The following PHGDH variants were observed in gnomAD, a reference collection of about 807,000 sequenced individuals.
The protein encoded by PHGDH is D-3-phosphoglycerate dehydrogenase.
Under a neutral mutation model 52.6 loss-of-function variants are expected in PHGDH, and 50 were observed. The ratio of observed to expected loss-of-function variants is 0.95; its 90% CI spans 0.76 to 1.20. The LOEUF (loss-of-function observed/expected upper bound fraction) is 1.20, where lower values mean the gene tolerates loss of function less well. PHGDH is among the 50% of genes most tolerant of loss of function. PHGDH has a pLI of 0.00. For synonymous variants in PHGDH, 271 were observed against 280.5 expected (o/e 0.97, Z 0.34); for missense variants, 630 against 684.6 (o/e 0.92, Z 0.89).
Position 119,712,080 on chromosome 1 carries a change from C to T in PHGDH, c.58C>T (p.Arg20Trp). 6.2e-7 allele frequency: 1 copy of T among 1,614,090 alleles called. No homozygotes were observed. Among genetic ancestry groups the T allele is most frequent in the Non-Finnish European group, 8.5e-7 (1 of 1,179,976 alleles). The change falls in exon 1 of 12, where the codon CGG becomes TGG. Residue 20 changes from arginine to tryptophan, a missense_variant. Physicochemically the swap from Arg to Trp is moderately radical, Grantham distance 101. Transcript: ENST00000641023. ...CAGTGACAGCCTGGACCCTTGCTGC[C>T]GGAAGATCTTGCAAGATGGAGGGCT... Reference protein sequence around the residue: ...LISDSLDPCCRKILQDGGLQV... With the variant: ...LISDSLDPCCWKILQDGGLQV...
At chr1:119,720,417 G>A (rs1296040933) in intron 1 of PHGDH, 4 of 151,916 alleles carry the variant, frequency 2.6e-5, no homozygotes, top group Non-Finnish European at 5.9e-5. Context: ...TTACTCATTC[G>A]GCCAACCAAC....
At chr1:119,736,443 A>G (rs1247402545) in intron 7 of PHGDH, among the ~76,000 whole-genome samples, 1 of 152,218 alleles carries the variant, frequency 6.6e-6, no homozygotes, top group African/African-American at 2.4e-5. Flanking sequence ...AATGGTCAAA[A>G]TTCAATGGGA....
At chr1:119,712,290 G>T (rs138275645) in intron 1 of PHGDH, 130 bp downstream of exon 1, 3 of 792,204 alleles carry the variant, frequency 3.8e-6, no homozygotes, top group Non-Finnish European at 6.5e-6. Context: ...CTGAGATTGG[G>T]GGGTAGAGAA....
At chr1:119,727,701 G>A (rs1354068043) in intron 5 of PHGDH, 2 of 154,964 alleles carry the variant, frequency 1.3e-5, no homozygotes, top group African/African-American at 2.4e-5. Flanking sequence ...GGGCGTGGTG[G>A]CGGGCGCCTG....
At chr1:119,733,405 A>G (rs1330656407) in intron 5 of PHGDH, among the ~76,000 whole-genome samples, 3 of 150,340 alleles carry the variant, frequency 2.0e-5, no homozygotes, top group Non-Finnish European at 1.5e-5. Context: ...CAGTGGCACA[A>G]TCTTGGCTCA....
At chr1:119,726,931 A>C (rs752274687) in intron 4 of PHGDH, 26 bp downstream of exon 4, 1 of 1,612,632 alleles carries the variant, frequency 6.2e-7, no homozygotes, top group Non-Finnish European at 8.5e-7. Context: ...GACTCGCCCC[A>C]CCTGGGCTCA....
chr1:119,742,000 C>G, intron 10 of PHGDH, 103 bp downstream of exon 10: 1 of 979,992 alleles, frequency 1.0e-6, no homozygotes, highest in Non-Finnish European at 1.6e-6. Flanking sequence ...AGGTCCCAGC[C>G]TTGCATCGGC....
At chr1:119,732,540 G>T (rs1411724029) in intron 5 of PHGDH, among the ~76,000 whole-genome samples, 2 of 152,162 alleles carry the variant, frequency 1.3e-5, no homozygotes, top group African/African-American at 4.8e-5. Flanking sequence ...TCCCCTCAGT[G>T]TTGTCTCCTA....
intron 6 of PHGDH, 60 bp downstream of exon 6, chr1:119,734,826 G>A: frequency 6.3e-7 from 1 of 1,580,110 alleles, no homozygotes. Flanking sequence ...TAACAAATGG[G>A]CCCTCCATCT....
Position 119,744,001 on chromosome 1 carries a change from G to A in PHGDH, c.1563G>A (p.Trp521Ter). ...CCTTGCTGCCCAGCCTGGAAGCGTGGAAGCAGCATGTGACTGAAGCCTTCC... is the reference window on the plus strand; with the variant it reads ...CCTTGCTGCCCAGCCTGGAAGCGTGAAAGCAGCATGTGACTGAAGCCTTCC... ...ISSLLPSLEAWKQHVTEAFQF... is the reference protein window; with the variant it reads ...ISSLLPSLEA Residue 521 changes from tryptophan to a stop codon, truncating the protein, a stop_gained, in exon 12 of 12, where the codon TGG becomes TGA. Transcript: ENST00000641023. LOFTEE classifies it high-confidence loss of function. The A allele has an allele frequency of 6.2e-7, 1 of 1,614,182 alleles. No homozygotes were observed. The highest frequency in any genetic ancestry group is 1.1e-5 in the South Asian group (1 of 91,078).
chr1:119,723,500 GCCAA>G, intron 3 of PHGDH, 59 bp downstream of exon 3: 3 of 1,340,620 alleles, frequency 2.2e-6, no homozygotes, highest in Non-Finnish European at 3.2e-6. Flanking sequence ...ATTACCACTT[GCCAA>G]GCAAATGGAC....
At chr1:119,719,399 A>G (rs1651054226) in intron 1 of PHGDH, among the ~76,000 whole-genome samples, 1 of 152,220 alleles carries the variant, frequency 6.6e-6, no homozygotes, top group South Asian at 2.1e-4. Context: ...GAGTTGGACC[A>G]GATGCTGGTG....
At position 119,735,364 on chromosome 1, in the gene PHGDH, G is replaced by A; in HGVS notation, c.713G>A (p.Gly238Glu). ...GVRVVNCARG[G>E]IVDEGALLRA... is the part of the protein sequence containing the mutation. ...CGTGTGGTGAACTGTGCCCGTGGAG[G>A]GATCGTGGACGAAGGCGCCCTGCTC... The change falls in exon 7 of 12, where the codon GGG becomes GAG. Residue 238 changes from glycine to glutamate, a missense_variant. Coordinates refer to ENST00000641023, the MANE Select transcript of PHGDH (RefSeq NM_006623.4). The A allele has an allele frequency of 6.2e-7, 1 of 1,614,210 alleles. No individual in the cohort carries two copies. The highest frequency in any genetic ancestry group is 8.5e-7 in the Non-Finnish European group (1 of 1,180,046).
At chr1:119,731,457 A>G (rs1212321694) in intron 5 of PHGDH, among the ~76,000 whole-genome samples, 1 of 152,226 alleles carries the variant, frequency 6.6e-6, no homozygotes, top group South Asian at 2.1e-4. Flanking sequence ...GGAACAGACA[A>G]GCATCTCTTA....
intron 5 of PHGDH, among the ~76,000 whole-genome samples, chr1:119,731,129 T>C (rs2101185212): frequency 6.6e-6 from 1 of 152,286 alleles, no homozygotes; most frequent in East Asian, 1.9e-4. Flanking sequence ...AGCAGTGTGG[T>C]TGTCAGTGGC....
intron 7 of PHGDH, 133 bp downstream of exon 7, chr1:119,735,576 A>G: frequency 1.0e-6 from 1 of 990,372 alleles, no homozygotes; most frequent in Non-Finnish European, 1.5e-6. Context: ...AAAAGGAGAA[A>G]ACTGTGTTGC....
chr1:119,720,951 A>G (rs1651123403), intron 1 of PHGDH: 1 of 578,168 alleles, frequency 1.7e-6, no homozygotes, highest in Non-Finnish European at 3.2e-6. Context: ...TTGGTGTGTT[A>G]GAGGCACAGT....
chr1:119,723,691 A>G (rs948747820), intron 3 of PHGDH, among the ~76,000 whole-genome samples: 1 of 151,854 alleles, frequency 6.6e-6, no homozygotes, highest in Non-Finnish European at 1.5e-5. Context: ...CATGCTGCAG[A>G]CAATCTGCCT....
chr1:119,721,647 A>G, intron 2 of PHGDH: 1 of 285,824 alleles, frequency 3.5e-6, no homozygotes, highest in Non-Finnish European at 6.7e-6. Flanking sequence ...TGGTTCAGGA[A>G]TCGGAAGGTC....
Sources: allele counts gnomAD v4.1 joint callset (sites outside exome capture counted in the v4.1 genomes callset), GRCh38; gene constraint gnomAD v4.1.1; transcripts MANE v1.5; gene names NCBI Gene and HGNC (gene_info 2026-07-23, HGNC 2026-07-21).